Variants in TENM4 observed in about 807,000 individuals in gnomAD.
The protein encoded by TENM4 is teneurin transmembrane protein 4.
A neutral mutation model predicts 243.3 loss-of-function variants in TENM4; 82 were observed. The observed-to-expected ratio is 0.34, with a 90% CI of 0.28 to 0.40. TENM4 has a LOEUF of 0.40. Ranked by LOEUF, TENM4 falls within the 10% of genes least tolerant of loss-of-function variation. TENM4 has a pLI of 1.00. For missense variants in TENM4, 3,138 were observed against 3,673.3 expected (o/e 0.85, Z 3.77); for synonymous variants, 1,412 against 1,456.3 (o/e 0.97, Z 0.69).
At chr11:78,965,515 A>C (rs1454022447) in intron 6 of TENM4, among the ~76,000 whole-genome samples, 1 of 152,238 alleles carries the variant, frequency 6.6e-6, no homozygotes, top group Non-Finnish European at 1.5e-5. Flanking sequence ...AAAAATTAAG[A>C]AACATGATAT....
intron 9 of TENM4, among the ~76,000 whole-genome samples, chr11:78,876,722 A>G (rs1859276174): frequency 6.6e-6 from 1 of 152,210 alleles, no homozygotes; most frequent in Admixed American, 6.5e-5. Context: ...CAGTGACGCT[A>G]GCTTATCTGG....
chr11:79,284,012 T>A (rs1314616256), intron 2 of TENM4, among the ~76,000 whole-genome samples: 1 of 152,152 alleles, frequency 6.6e-6, no homozygotes, highest in Non-Finnish European at 1.5e-5. Flanking sequence ...GTGAAAGACT[T>A]GTATACTAAA....
chr11:79,393,555 G>A (rs762966893), intron 1 of TENM4, among the ~76,000 whole-genome samples: 72 of 152,312 alleles, frequency 4.7e-4, no homozygotes, highest in Non-Finnish European at 2.1e-4. Flanking sequence ...ATGGGACTGC[G>A]TCAGCCCTCT....
intron 3 of TENM4, among the ~76,000 whole-genome samples, chr11:79,175,400 G>A (rs1002051185): frequency 5.9e-5 from 9 of 152,296 alleles, no homozygotes; most frequent in African/African-American, 2.2e-4. Context: ...GGTACTCATT[G>A]TAGTATTGAA....
intron 15 of TENM4, among the ~76,000 whole-genome samples, chr11:78,797,672 C>T (rs1210312488): frequency 2.6e-5 from 4 of 152,296 alleles, no homozygotes; most frequent in East Asian, 1.9e-4. Flanking sequence ...GTGTCTAAAC[C>T]GCCACACTAC....
chr11:79,112,792 G>T (rs1342748873), intron 4 of TENM4, among the ~76,000 whole-genome samples: 2 of 152,022 alleles, frequency 1.3e-5, no homozygotes, highest in African/African-American at 4.8e-5. Context: ...TCCCACTATG[G>T]TCTTCCTCTT....
chr11:78,696,494 G>A, intron 28 of TENM4, among the ~76,000 whole-genome samples: 1 of 151,002 alleles, frequency 6.6e-6, no homozygotes, highest in East Asian at 1.9e-4. Context: ...GTGAGTGATA[G>A]GTTTATGCCT....
At chr11:79,139,051 A>C (rs1445722405) in intron 4 of TENM4, among the ~76,000 whole-genome samples, 1 of 28,704 alleles carries the variant, frequency 3.5e-5, no homozygotes, top group Non-Finnish European at 6.5e-5. Context: ...AAATATATAA[A>C]ATATATATTA....
At chr11:78,964,125 G>A (rs962266285) in intron 6 of TENM4, among the ~76,000 whole-genome samples, 131 of 144,910 alleles carry the variant, frequency 9.0e-4, no homozygotes, top group African/African-American at 3.1e-3. Flanking sequence ...TCACTGCGTC[G>A]TCTGCCTTCC....
chr11:78,934,079 GAA>G (rs1856730129), intron 6 of TENM4, among the ~76,000 whole-genome samples: 1 of 152,116 alleles, frequency 6.6e-6, no homozygotes, highest in Non-Finnish European at 1.5e-5. Flanking sequence ...TTTTGCCAGG[GAA>G]AGGAGCATGG....
At chr11:79,193,298 C>A (rs1230575329) in intron 3 of TENM4, 1 of 152,210 alleles carries the variant, frequency 6.6e-6, no homozygotes, top group Non-Finnish European at 1.5e-5. Flanking sequence ...GTGGGCAGGG[C>A]AGCCGGAACT....
intron 2 of TENM4, among the ~76,000 whole-genome samples, chr11:79,273,452 G>T (rs569851583): frequency 6.6e-6 from 1 of 152,198 alleles, no homozygotes; most frequent in Admixed American, 6.5e-5. Context: ...TTCATGAGGT[G>T]CTCTAGAAAC....
chr11:78,704,563 G>A lies in TENM4; in HGVS notation c.4210-2160C>T, dbSNP rs1434583255. Among the ~76,000 whole-genome samples, 4 of 152,182 alleles carry A rather than the reference G, an allele frequency of 2.6e-5. No homozygotes were observed. The East Asian group carries it at 7.7e-4, about 29-fold the overall frequency. On this transcript the variant is annotated intron_variant, in intron 27 of 33. Coordinates refer to ENST00000278550, the MANE Select transcript of TENM4 (RefSeq NM_001098816.3). ...TGGATATTTAATGACATGGAGAAAT[G>A]TTTGCTATGTATTAAGTAGAAAGAA...
chr11:79,366,322 A>G (rs1412074951), intron 1 of TENM4, among the ~76,000 whole-genome samples: 3 of 152,226 alleles, frequency 2.0e-5, no homozygotes, highest in Non-Finnish European at 4.4e-5. Context: ...TTGGGCTCCT[A>G]AAGGCCCTTG....
intron 1 of TENM4, among the ~76,000 whole-genome samples, chr11:79,407,973 G>T (rs902935976): frequency 1.3e-5 from 2 of 151,066 alleles, no homozygotes; most frequent in Non-Finnish European, 2.9e-5. Context: ...GCATGATCTT[G>T]GCTCACTGCA....
rs372416669 is a variant in TENM4 at position 79,147,131 on chromosome 11, C to G, written c.-66+1579G>C. Among the ~76,000 whole-genome samples, 240 of 152,242 alleles carry G rather than the reference C, an allele frequency of 1.6e-3. 9 individuals carry two copies. The South Asian group carries it at 0.047, about 30-fold the overall frequency. ...GCTCATCTGAGTTCCCCCCTTTCTT[C>G]TGATTTGCAAAGTATTGATACAGTC... On this transcript the variant is annotated intron_variant, in intron 4 of 33. Coordinates refer to ENST00000278550, the MANE Select transcript of TENM4 (RefSeq NM_001098816.3).
At chr11:78,891,406 C>T in intron 7 of TENM4, 70 bp from the exon 8 acceptor site, 2 of 1,384,564 alleles carry the variant, frequency 1.4e-6, no homozygotes, top group African/African-American at 1.4e-5. Flanking sequence ...TAGAGAAACA[C>T]ACAAAGTGGC....
At chr11:79,322,643 G>A (rs886449343) in intron 1 of TENM4, among the ~76,000 whole-genome samples, 4 of 152,042 alleles carry the variant, frequency 2.6e-5, no homozygotes, top group South Asian at 2.1e-4. Flanking sequence ...GGTAGTAGAT[G>A]AGAAAGGGAA....
chr11:79,420,172 A>G (rs1343364586), intron 1 of TENM4, among the ~76,000 whole-genome samples: 2 of 152,160 alleles, frequency 1.3e-5, no homozygotes, highest in Non-Finnish European at 2.9e-5. Flanking sequence ...CTCCCTCCTG[A>G]TCATTTGAAA....
Sources: allele counts gnomAD v4.1 joint callset (sites outside exome capture counted in the v4.1 genomes callset), GRCh38; gene constraint gnomAD v4.1.1; transcripts MANE v1.5; gene names NCBI Gene and HGNC (gene_info 2026-07-23, HGNC 2026-07-21).